EGFLAM: variants seen among roughly 807,000 people sequenced by gnomAD.
The protein encoded by EGFLAM is EGF like, fibronectin type III and laminin G domains.
In EGFLAM, 79 loss-of-function variants were observed where a neutral mutation model predicts 113.1. The ratio of observed to expected loss-of-function variants is 0.70; its 90% CI spans 0.58 to 0.84. The LOEUF (loss-of-function observed/expected upper bound fraction) is 0.84, where lower values mean the gene tolerates loss of function less well. Among genes scored for constraint, EGFLAM ranks in the 40% least tolerant of loss-of-function variants. EGFLAM has a pLI of 0.00. For synonymous variants in EGFLAM, 504 were observed against 487.6 expected (o/e 1.03, Z -0.44); for missense variants, 1,265 against 1,291.6 (o/e 0.98, Z 0.32).
chr5:38,382,787 T>A (rs1740544389), intron 6 of EGFLAM, among the ~76,000 whole-genome samples: 1 of 152,236 alleles, frequency 6.6e-6, no homozygotes, highest in South Asian at 2.1e-4. Context: ...ACCAGCTTCT[T>A]ATTCCCACTG....
intron 6 of EGFLAM, among the ~76,000 whole-genome samples, chr5:38,384,249 C>A (rs1740597507): frequency 6.6e-6 from 1 of 152,076 alleles, no homozygotes; most frequent in Admixed American, 6.5e-5. Flanking sequence ...AAGAACCTAG[C>A]CAGACTTCCA....
At chr5:38,461,181 A>G (rs541019485) in intron 20 of EGFLAM, 1 of 152,332 alleles carries the variant, frequency 6.6e-6, no homozygotes, top group African/African-American at 2.4e-5. Context: ...AGCTATTCCC[A>G]TCTTAGGTGA....
At chr5:38,449,791 A>C (rs1430767885) in intron 18 of EGFLAM, among the ~76,000 whole-genome samples, 1 of 152,210 alleles carries the variant, frequency 6.6e-6, no homozygotes, top group Non-Finnish European at 1.5e-5. Flanking sequence ...AAGTAACAGA[A>C]AGTTCAGCTT....
At position 38,291,927 on chromosome 5, in the gene EGFLAM, T is replaced by TG. The variant is rs1157528574; in HGVS notation, c.97+33077dup. On this transcript the variant is annotated intron_variant, in intron 1 of 21. Transcript: ENST00000322350. The stretch of plus-strand genomic sequence containing the variant: ...AGATTTCTATTGCACTGCAGAGCTC[T>TG]GCGTCAAGAAGTAACAGCACAATCA... Among the ~76,000 whole-genome samples the TG allele has an allele frequency of 2.6e-5, 4 of 152,346 alleles. No homozygotes were observed. In the East Asian group the frequency reaches 5.8e-4, roughly 22 times the overall value.
intron 1 of EGFLAM, among the ~76,000 whole-genome samples, chr5:38,276,165 G>A (rs1757879002): frequency 6.6e-6 from 1 of 152,122 alleles, no homozygotes; most frequent in South Asian, 2.1e-4. Flanking sequence ...AAAAGAGCTT[G>A]TGCAGGGAAA....
chr5:38,442,216 C>T (rs1030472259), intron 17 of EGFLAM, among the ~76,000 whole-genome samples: 1 of 151,086 alleles, frequency 6.6e-6, no homozygotes, highest in Non-Finnish European at 1.5e-5. Flanking sequence ...TAATAAAACA[C>T]ATAAATTATG....
intron 4 of EGFLAM, 53 bp downstream of exon 4, chr5:38,350,671 T>C: frequency 1.3e-6 from 2 of 1,523,160 alleles, no homozygotes; most frequent in Non-Finnish European, 1.8e-6. Context: ...CCATGCATCC[T>C]TCATTCAGCA....
intron 17 of EGFLAM, among the ~76,000 whole-genome samples, chr5:38,447,272 T>C (rs1257692256): frequency 2.0e-5 from 3 of 152,154 alleles, no homozygotes; most frequent in Non-Finnish European, 4.4e-5. Flanking sequence ...TATTGGAAAG[T>C]TGAGAGGGGG....
chr5:38,267,619 T>TG (rs1337494348), intron 1 of EGFLAM, among the ~76,000 whole-genome samples: 2 of 152,154 alleles, frequency 1.3e-5, no homozygotes, highest in Non-Finnish European at 2.9e-5. Flanking sequence ...ATCTCTACCC[T>TG]GGGGGAGCTT....
chr5:38,450,307 G>T (rs1383242807), intron 18 of EGFLAM, among the ~76,000 whole-genome samples: 1 of 152,230 alleles, frequency 6.6e-6, no homozygotes, highest in South Asian at 2.1e-4. Flanking sequence ...TGGCCTGGGG[G>T]GCCTCGCTCT....
chr5:38,319,344 A>T (rs1738683785), intron 1 of EGFLAM, among the ~76,000 whole-genome samples: 1 of 152,152 alleles, frequency 6.6e-6, no homozygotes, highest in Admixed American at 6.5e-5. Flanking sequence ...AGGTTGAGAG[A>T]TGCCAGCACA....
At chr5:38,457,406 A>G (rs1743124402) in intron 19 of EGFLAM, among the ~76,000 whole-genome samples, 1 of 152,140 alleles carries the variant, frequency 6.6e-6, no homozygotes, top group Admixed American at 6.5e-5. Flanking sequence ...AATCGGCTCC[A>G]TGCCTGTCCC....
chr5:38,369,673 C>A (rs184717010), intron 5 of EGFLAM, among the ~76,000 whole-genome samples: 1 of 152,260 alleles, frequency 6.6e-6, no homozygotes, highest in African/African-American at 2.4e-5. Flanking sequence ...GATTTGAACT[C>A]CAGAGCTCAT....
chr5:38,435,733 G>A (rs185710612), intron 16 of EGFLAM, among the ~76,000 whole-genome samples: 3 of 147,042 alleles, frequency 2.0e-5, no homozygotes, highest in Admixed American at 1.4e-4. Context: ...TAAGAGCATA[G>A]ATTAAAGAGT....
chr5:38,371,508 C>T (rs1221167788), intron 6 of EGFLAM, among the ~76,000 whole-genome samples: 1 of 152,092 alleles, frequency 6.6e-6, no homozygotes, highest in Non-Finnish European at 1.5e-5. Context: ...AATTTTGGCT[C>T]CTTTGAAAAC....
At chr5:38,320,336 C>T (rs1579767955) in intron 1 of EGFLAM, among the ~76,000 whole-genome samples, 1 of 152,162 alleles carries the variant, frequency 6.6e-6, no homozygotes, top group Non-Finnish European at 1.5e-5. Flanking sequence ...AAATTAGAAA[C>T]AGGGTGGGGT....
intron 5 of EGFLAM, among the ~76,000 whole-genome samples, chr5:38,359,984 A>G (rs1043229140): frequency 6.6e-6 from 1 of 152,214 alleles, no homozygotes; most frequent in Non-Finnish European, 1.5e-5. Context: ...TTTCAAGGTC[A>G]TGCAACCTGG....
At chr5:38,353,083 A>G (rs973408324) in intron 5 of EGFLAM, among the ~76,000 whole-genome samples, 2 of 152,230 alleles carry the variant, frequency 1.3e-5, no homozygotes, top group African/African-American at 4.8e-5. Context: ...GCCTTGGGAC[A>G]AGTGTCTTGG....
At chr5:38,440,567 A>G (rs1013925103) in intron 17 of EGFLAM, among the ~76,000 whole-genome samples, 1 of 152,198 alleles carries the variant, frequency 6.6e-6, no homozygotes, top group African/African-American at 2.4e-5. Context: ...GAATACATAG[A>G]AAGTTTGCGT....
Sources: gnomAD v4.1 joint callset for allele counts (sites outside exome capture counted in the v4.1 genomes callset) on GRCh38, gnomAD v4.1.1 for gene constraint, MANE v1.5 for transcripts, NCBI Gene and HGNC (gene_info 2026-07-23, HGNC 2026-07-21) for gene names.